BEND6: variants seen among roughly 807,000 people sequenced by gnomAD.
The protein encoded by BEND6 is BEN domain containing 6.
Under a neutral mutation model 31.8 loss-of-function variants are expected in BEND6, and 24 were observed. The observed-to-expected ratio is 0.75, with a 90% CI of 0.55 to 1.06. The LOEUF is 1.06. BEND6 is among the 50% of genes least tolerant of loss of function. BEND6 has a pLI of 0.00. For missense variants in BEND6, 294 were observed against 327.4 expected, an observed-to-expected ratio of 0.90 and a Z score of 0.79; for synonymous variants, 109 against 114.6, an observed-to-expected ratio of 0.95 and a Z score of 0.31.
chr6:56,970,223 C>G (rs2127844013), intron 1 of BEND6, among the ~76,000 whole-genome samples: 1 of 151,768 alleles, frequency 6.6e-6, no homozygotes, highest in South Asian at 2.1e-4. Flanking sequence ...GAGACAGAGT[C>G]TCACTCTGTC....
At chr6:57,010,563 C>T (rs1000881190) in intron 3 of BEND6, 2 of 444,086 alleles carry the variant, frequency 4.5e-6, no homozygotes, top group African/African-American at 2.1e-5. Flanking sequence ...GAGATGATGC[C>T]TGTGCTTTGC....
At chr6:57,009,678 A>G (rs750324881) in intron 3 of BEND6, 1 of 152,234 alleles carries the variant, frequency 6.6e-6, no homozygotes, top group Non-Finnish European at 1.5e-5. Flanking sequence ...AAGTTAGACC[A>G]TGCAGATGTG....
rs1181474980 is a variant in BEND6, at chr6:57,018,484, AG to A, written c.777del (p.Lys259AsnfsTer2). 1.3e-6 allele frequency: 2 copies of A among 1,592,148 alleles called. No individual in the cohort carries two copies. Among genetic ancestry groups the A allele is most frequent in the South Asian group, 2.3e-5 (2 of 86,002 alleles). On this transcript the variant is annotated frameshift_variant, in exon 6 of 7. Coordinates refer to ENST00000370746, the MANE Select transcript of BEND6 (RefSeq NM_152731.3). LOFTEE classifies it high-confidence loss of function. The part of the protein sequence containing the change: ...DVSIRRMIGQ[K>X]LNNCTKKPNL... ...TCAATTAGGAGAATGATAGGGCAAA[AG>A]CTAAACAACTGTACCAAGAAGCCAA...
At position 56,961,142 on chromosome 6, in the gene BEND6, A is replaced by AT. The variant is rs1183178157; in HGVS notation, c.-101+5683dup. On this transcript the variant is annotated intron_variant, in intron 1 of 6. Coordinates refer to ENST00000370746, the MANE Select transcript of BEND6 (RefSeq NM_152731.3). ...AACTCCCACAATGAGAATCATCAGA[A>AT]TCATGCAAATCCACATAGGTACTGA... Among the ~76,000 whole-genome samples, 7 of 152,324 alleles carry AT rather than the reference A, an allele frequency of 4.6e-5. No homozygotes were observed. The South Asian group carries it at 6.2e-4, about 14-fold the overall frequency.
chr6:56,995,331 CTATTCAGTT>C (rs1826668271), intron 3 of BEND6, among the ~76,000 whole-genome samples: 1 of 152,090 alleles, frequency 6.6e-6, no homozygotes, highest in African/African-American at 2.4e-5. Flanking sequence ...TATACACACT[CTATTCAGTT>C]TCCTCCCTGT....
chr6:56,968,461 T>C (rs1335532493), intron 1 of BEND6, among the ~76,000 whole-genome samples: 1 of 151,562 alleles, frequency 6.6e-6, no homozygotes, highest in Non-Finnish European at 1.5e-5. Context: ...GCTGGGACTG[T>C]AGGTGTGCCC....
intron 3 of BEND6, among the ~76,000 whole-genome samples, chr6:57,012,518 G>A (rs1015424969): frequency 6.6e-6 from 1 of 152,140 alleles, no homozygotes; most frequent in African/African-American, 2.4e-5. Context: ...TTTGTCAAAC[G>A]CATCCCCTTT....
intron 6 of BEND6, among the ~76,000 whole-genome samples, chr6:57,018,865 G>A (rs1393693109): frequency 1.3e-5 from 2 of 152,158 alleles, no homozygotes; most frequent in African/African-American, 4.8e-5. Flanking sequence ...TTTTACTGAG[G>A]AAATTTTTTC....
At chr6:56,991,896 A>G (rs1296739082) in intron 2 of BEND6, among the ~76,000 whole-genome samples, 1 of 152,170 alleles carries the variant, frequency 6.6e-6, no homozygotes, top group Non-Finnish European at 1.5e-5. Flanking sequence ...ACACTATGTT[A>G]TGAATTGTTT....
chr6:57,020,486 T>A (rs931829619), intron 6 of BEND6, among the ~76,000 whole-genome samples: 4 of 152,172 alleles, frequency 2.6e-5, no homozygotes, highest in Non-Finnish European at 5.9e-5. Flanking sequence ...AGTGGCGCGA[T>A]CTCTGCTCAC....
In BEND6 at chr6:57,017,851, G is replaced by A. The variant is rs116038268; in HGVS notation, c.712+452G>A. The stretch of plus-strand genomic sequence containing the variant: ...TTTGGCAACATCTGACAAATGTAAG[G>A]ATTCTCTGAATCCTAGCTCTATATA... On this transcript the variant is annotated intron_variant, in intron 5 of 6. Transcript: ENST00000370746. 4.5e-3 allele frequency among the ~76,000 whole-genome samples: 689 copies of A among 152,200 alleles called. 4 individuals are homozygous for A. Among genetic ancestry groups the A allele is most frequent in the African/African-American group, 0.016 (659 of 41,496 alleles).
chr6:57,002,553 C>G (rs951810992), intron 3 of BEND6, among the ~76,000 whole-genome samples: 2 of 152,064 alleles, frequency 1.3e-5, no homozygotes, highest in African/African-American at 4.8e-5. Context: ...TAATCAATAT[C>G]AAGAAGATCT....
chr6:56,986,786 T>C (rs1447596915), intron 2 of BEND6, among the ~76,000 whole-genome samples: 1 of 152,154 alleles, frequency 6.6e-6, no homozygotes, highest in African/African-American at 2.4e-5. Flanking sequence ...ACTGAGGTTT[T>C]AACTTCCCTG....
chr6:56,978,021 T>A (rs1371436421), intron 1 of BEND6, among the ~76,000 whole-genome samples: 1 of 151,664 alleles, frequency 6.6e-6, no homozygotes, highest in Non-Finnish European at 1.5e-5. Context: ...TCCTAATGCT[T>A]TGGGAGGCCA....
At position 57,003,923 on chromosome 6, in the gene BEND6, A is replaced by C. The variant is rs149039409; in HGVS notation, c.299-11210A>C. Among the ~76,000 whole-genome samples, 80 of 152,358 alleles carry C rather than the reference A, an allele frequency of 5.3e-4. 1 individual carries two copies. The highest frequency in any genetic ancestry group is 1.9e-3 in the African/African-American group (79 of 41,590). On this transcript the variant is annotated intron_variant, in intron 3 of 6. Transcript: ENST00000370746. Reference sequence around the variant, plus strand: ...TTACCACATAAACAAAATTAAAGACAAAAACTTCATGATCATCTCAATAGA... The same window carrying C: ...TTACCACATAAACAAAATTAAAGACCAAAACTTCATGATCATCTCAATAGA...
chr6:57,025,930 T>C (rs973109257), intron 6 of BEND6, among the ~76,000 whole-genome samples, 152 bp from the exon 7 acceptor site: 1 of 152,184 alleles, frequency 6.6e-6, no homozygotes, highest in African/African-American at 2.4e-5. Flanking sequence ...AGCTTGCTTC[T>C]ACACTGCTAT....
chr6:57,004,886 G>T, intron 3 of BEND6: 1 of 603,320 alleles, frequency 1.7e-6, no homozygotes, highest in Non-Finnish European at 3.0e-6. Context: ...GGTGGCATGT[G>T]CCAGTAGTCC....
chr6:56,972,863 A>T (rs1825738147), intron 1 of BEND6, among the ~76,000 whole-genome samples: 1 of 152,236 alleles, frequency 6.6e-6, no homozygotes, highest in Non-Finnish European at 1.5e-5. Flanking sequence ...TGAAGGCTCT[A>T]TTTCTGGCTT....
At chr6:56,988,583 T>A (rs147680494) in intron 2 of BEND6, among the ~76,000 whole-genome samples, 1 of 152,214 alleles carries the variant, frequency 6.6e-6, no homozygotes, top group Non-Finnish European at 1.5e-5. Flanking sequence ...ACTTAAAAAA[T>A]ACAATGATCT....
Sources: gnomAD v4.1 joint callset for allele counts (sites outside exome capture counted in the v4.1 genomes callset) on GRCh38, gnomAD v4.1.1 for gene constraint, MANE v1.5 for transcripts, NCBI Gene and HGNC (gene_info 2026-07-23, HGNC 2026-07-21) for gene names.